SEMA3A: variants seen among roughly 807,000 people sequenced by gnomAD.
SEMA3A encodes the protein semaphorin 3A.
In SEMA3A, 29 loss-of-function variants were observed where a neutral mutation model predicts 97.9. The ratio of observed to expected loss-of-function variants is 0.30; its 90% CI spans 0.22 to 0.40. The LOEUF (loss-of-function observed/expected upper bound fraction) is 0.40, where lower values mean the gene tolerates loss of function less well. Ranked by LOEUF, SEMA3A falls within the 10% of genes least tolerant of loss-of-function variation. SEMA3A has a pLI of 1.00. For missense variants in SEMA3A, 763 were observed against 951.3 expected, an observed-to-expected ratio of 0.80 and a Z score of 2.60; for synonymous variants, 321 against 323.7, an observed-to-expected ratio of 0.99 and a Z score of 0.09.
At chr7:84,203,135 G>A (rs1358918292) in intron 3 of SEMA3A, among the ~76,000 whole-genome samples, 1 of 152,028 alleles carries the variant, frequency 6.6e-6, no homozygotes, top group Non-Finnish European at 1.5e-5. Context: ...TTGCATTAGG[G>A]ACTCAGTATA....
At chr7:84,263,605 C>T (rs114988372) in intron 3 of SEMA3A, among the ~76,000 whole-genome samples, 1 of 152,166 alleles carries the variant, frequency 6.6e-6, no homozygotes, top group Non-Finnish European at 1.5e-5. Flanking sequence ...ATAGTCAATG[C>T]CATATAAGCA....
intron 4 of SEMA3A, among the ~76,000 whole-genome samples, chr7:84,105,184 C>T (rs891186716): frequency 6.6e-6 from 1 of 152,180 alleles, no homozygotes; most frequent in African/African-American, 2.4e-5. Context: ...CTGAATTTCT[C>T]AGTTCCGTAC....
At chr7:84,136,150 G>A (rs557748697) in intron 1 of SEMA3A, among the ~76,000 whole-genome samples, 10 of 152,034 alleles carry the variant, frequency 6.6e-5, no homozygotes, top group African/African-American at 1.2e-4. Flanking sequence ...TAGATTTTTC[G>A]GGTGCACACT....
intron 1 of SEMA3A, among the ~76,000 whole-genome samples, chr7:84,450,327 G>A (rs1805524566): frequency 6.6e-6 from 1 of 152,014 alleles, no homozygotes; most frequent in African/African-American, 2.4e-5. Flanking sequence ...TTCCACTCTT[G>A]CGTGCAATTC....
chr7:84,412,009 T>G (rs928322536), intron 1 of SEMA3A, among the ~76,000 whole-genome samples: 3 of 152,158 alleles, frequency 2.0e-5, no homozygotes, highest in African/African-American at 7.2e-5. Flanking sequence ...TCTACAACAC[T>G]TCTTGCTTTC....
At chr7:84,055,566 TGCACGGTGCGCGCACCCACTGACCTGC>T (rs1295899612) in intron 5 of SEMA3A, among the ~76,000 whole-genome samples, 1 of 152,204 alleles carries the variant, frequency 6.6e-6, no homozygotes, top group Non-Finnish European at 1.5e-5. Context: ...CTTTGGCTCG[TGCACGGTGCGCGCACCCACTGACCTGC>T]GCCCACTGTC....
rs1302691278 is a variant in SEMA3A, at chr7:83,981,445, C to G, written c.1528G>C (p.Ala510Pro). ...QLYIGSTAGV[A>P]QLPLHRCDIY... ...TCACACCGGTGTAAAGGGAGCTGGG[C>G]AACCCCAGCCGTTGAACCAATATAT... The change falls in exon 14 of 17, where the codon GCC becomes CCC. Residue 510 changes from alanine (A) to proline (P), a missense_variant. Around this residue, in one of 2 missense-constraint regions of SEMA3A, gnomAD observed 678 missense variants for 881.3 expected, o/e 0.77. Coordinates refer to ENST00000265362, the MANE Select transcript of SEMA3A (RefSeq NM_006080.3). 6.2e-7 allele frequency: 1 copy of G among 1,612,642 alleles called. No homozygotes were observed. Among genetic ancestry groups the G allele is most frequent in the African/African-American group, 1.3e-5 (1 of 74,896 alleles).
Position 83,956,677 on chromosome 7 carries a change from C to T in SEMA3A, c.*4694G>A, listed in dbSNP as rs1393539621. 1 of 152,038 alleles carries T rather than the reference C, an allele frequency of 6.6e-6. No homozygotes were observed. Among genetic ancestry groups the T allele is most frequent in the East Asian group, 1.9e-4 (1 of 5,180 alleles). 9.4% of individuals were successfully genotyped at this position (152,038 alleles called of 1,614,324 possible). ...AAAACCCAGGAAAAAGCAAATGCACCATTTTGACTCATAGTAGTGGGACAT... is the reference window on the plus strand; with the variant it reads ...AAAACCCAGGAAAAAGCAAATGCACTATTTTGACTCATAGTAGTGGGACAT... On this transcript the variant is annotated 3_prime_UTR_variant, in exon 17 of 17. Coordinates refer to ENST00000265362, the MANE Select transcript of SEMA3A (RefSeq NM_006080.3).
chr7:83,992,109 G>A, intron 12 of SEMA3A, among the ~76,000 whole-genome samples: 1 of 146,208 alleles, frequency 6.8e-6, no homozygotes, highest in Non-Finnish European at 1.5e-5. Context: ...TATTTGCGTA[G>A]AGGTGTTTGT....
At chr7:84,032,807 G>C (rs900788826) in intron 6 of SEMA3A, among the ~76,000 whole-genome samples, 1 of 151,470 alleles carries the variant, frequency 6.6e-6, no homozygotes, top group African/African-American at 2.4e-5. Flanking sequence ...TAGTACAAAA[G>C]TTGCTATATT....
intron 1 of SEMA3A, among the ~76,000 whole-genome samples, chr7:84,441,246 T>C (rs1008963549): frequency 6.6e-6 from 1 of 151,766 alleles, no homozygotes; most frequent in African/African-American, 2.4e-5. Context: ...CTAGACACTT[T>C]ACAACAGATC....
rs545619905 is a variant in SEMA3A at position 84,056,599 on chromosome 7, A to AC, written c.547+3865dup. On this transcript the variant is annotated intron_variant, in intron 5 of 16. Coordinates refer to ENST00000265362, the MANE Select transcript of SEMA3A (RefSeq NM_006080.3). ...AGAAGGGGGAAAAAAAAAAGAAAAT[A>AC]CCCCCTCTATCACACACACAGAAAC... Among the ~76,000 whole-genome samples the AC allele has an allele frequency of 8.6e-4, 130 of 151,732 alleles. 3 individuals are homozygous for AC. The highest frequency in any genetic ancestry group is 8.0e-3 in the Admixed American group (121 of 15,214).
chr7:84,032,778 C>G (rs1791807541), intron 6 of SEMA3A, among the ~76,000 whole-genome samples: 2 of 151,224 alleles, frequency 1.3e-5, no homozygotes, highest in African/African-American at 4.9e-5. Flanking sequence ...TATTTAGTAT[C>G]CTATCTTGGT....
intron 5 of SEMA3A, among the ~76,000 whole-genome samples, chr7:84,054,486 T>G (rs1337899779): frequency 6.6e-6 from 1 of 152,166 alleles, no homozygotes; most frequent in Admixed American, 6.5e-5. Flanking sequence ...TTTCTTCCAG[T>G]TGATCGCATC....
intron 3 of SEMA3A, among the ~76,000 whole-genome samples, chr7:84,303,143 G>A (rs886408867): frequency 6.6e-6 from 1 of 152,084 alleles, no homozygotes; most frequent in Admixed American, 6.6e-5. Context: ...CCCTCACTGG[G>A]TGCAGAGGAG....
At chr7:84,427,675 T>C (rs923231814) in intron 1 of SEMA3A, among the ~76,000 whole-genome samples, 2 of 122,020 alleles carry the variant, frequency 1.6e-5, no homozygotes, top group African/African-American at 3.2e-5. Flanking sequence ...AAAAAAAGTA[T>C]TCACTCATAT....
chr7:84,319,714 T>C (rs1396847507), intron 2 of SEMA3A, among the ~76,000 whole-genome samples: 1 of 152,204 alleles, frequency 6.6e-6, no homozygotes, highest in Non-Finnish European at 1.5e-5. Flanking sequence ...ACAATATACT[T>C]CTTTTGTAAA....
intron 1 of SEMA3A, among the ~76,000 whole-genome samples, chr7:84,438,674 G>T (rs1262079614): frequency 6.6e-6 from 1 of 151,886 alleles, no homozygotes; most frequent in Non-Finnish European, 1.5e-5. Flanking sequence ...TAAGGACAAG[G>T]ACTTGATATG....
At chr7:84,118,730 TGCTCTTCCTA>T (rs918276605) in intron 3 of SEMA3A, among the ~76,000 whole-genome samples, 2 of 152,214 alleles carry the variant, frequency 1.3e-5, no homozygotes, top group Non-Finnish European at 2.9e-5. Flanking sequence ...CAGTTCTCCT[TGCTCTTCCTA>T]CTTCATGTTC....
Sources: allele counts gnomAD v4.1 joint callset (sites outside exome capture counted in the v4.1 genomes callset), GRCh38; gene constraint gnomAD v4.1.1; regional missense constraint gnomAD v4.1.1; transcripts MANE v1.5; gene names NCBI Gene and HGNC (gene_info 2026-07-23, HGNC 2026-07-21).